Variants in SYT3 observed in about 807,000 individuals in gnomAD.
The protein encoded by SYT3 is synaptotagmin 3.
In SYT3, 25 loss-of-function variants were observed where a neutral mutation model predicts 50.6. The observed-to-expected ratio is 0.49, with a 90% confidence interval of 0.36 to 0.69. The LOEUF is 0.69. Among genes scored for constraint, SYT3 ranks in the 30% least tolerant of loss-of-function variants. SYT3 has a pLI of 0.00. For missense variants in SYT3, 589 were observed against 793.6 expected, an observed-to-expected ratio of 0.74 and a Z score of 3.10; for synonymous variants, 323 against 353.9, an observed-to-expected ratio of 0.91 and a Z score of 0.98.
At position 50,639,635 on chromosome 19, in the gene SYT3, C is replaced by T. The variant is rs899720753; in HGVS notation, c.-154+155G>A. Among the ~76,000 whole-genome samples the T allele has an allele frequency of 6.6e-6, 1 of 151,898 alleles. No individual in the cohort carries two copies. Among genetic ancestry groups the T allele is most frequent in the African/African-American group, 2.4e-5 (1 of 41,392 alleles). ...CCCCCTTCCAGGGCCACGTGCCCCTCCCCCGGGGTGGCCAGAGAGCGCTGC... is the reference window on the plus strand; with the variant it reads ...CCCCCTTCCAGGGCCACGTGCCCCTTCCCCGGGGTGGCCAGAGAGCGCTGC... On this transcript the variant is annotated intron_variant, in intron 1 of 10. Transcript: ENST00000600079. The surrounding 1 kb of genome is among the most constrained non-coding windows in gnomAD (Gnocchi z 4.6).
In SYT3 at chr19:50,625,339, C is replaced by T. The variant is rs892553119; in HGVS notation, c.1575-45G>A. 2.6e-6 allele frequency: 4 copies of T among 1,536,356 alleles called. No individual in the cohort carries two copies. In the African/African-American group the frequency reaches 5.5e-5, roughly 21 times the overall value. On this transcript the variant is annotated intron_variant, in intron 8 of 10. Coordinates refer to ENST00000600079, the MANE Select transcript of SYT3 (RefSeq NM_001160329.2). The surrounding 1 kb of genome is among the most constrained non-coding windows in gnomAD (Gnocchi z 7.5). ...AGGACCGTGGAGGGTGGTGGGAGGG[C>T]CTGTCCCCACCCCAGCCCTCCTGCC...
In SYT3 at chr19:50,632,156, C is replaced by G. The variant is rs1984329153; in HGVS notation, c.674+130G>C. 1 of 1,076,340 alleles carries G rather than the reference C, an allele frequency of 9.3e-7. No homozygotes were observed. The highest frequency in any genetic ancestry group is 1.6e-5 in the African/African-American group (1 of 62,758). 66.7% of individuals were successfully genotyped at this position (1,076,340 alleles called of 1,614,324 possible). On this transcript the variant is annotated intron_variant, in intron 4 of 10. Transcript: ENST00000600079. The surrounding 1 kb of genome is among the most constrained non-coding windows in gnomAD (Gnocchi z 4.7). ...AGTCTAGGGCCCCAGCCTCCTCTTT[C>G]CCTAAGATCCAGGAGTCAATACCCC...
intron 3 of SYT3, among the ~76,000 whole-genome samples, chr19:50,633,275 C>G (rs1568416423): frequency 6.6e-6 from 1 of 152,174 alleles, no homozygotes; most frequent in South Asian, 2.1e-4. Context: ...GCCACTGTGC[C>G]CAGCCCAGTA....
intron 3 of SYT3, among the ~76,000 whole-genome samples, chr19:50,633,434 G>T (rs1035529466): frequency 1.4e-4 from 22 of 152,214 alleles, no homozygotes; most frequent in Admixed American, 1.4e-3. Context: ...ACTAGACTTT[G>T]CTGCCTCTCT....
rs758727682 is a variant in SYT3 at position 50,632,658 on chromosome 19, C to T, written c.302G>A (p.Gly101Asp). Residue 101 changes from glycine to aspartate, a missense_variant, in exon 4 of 11, where the codon GGC becomes GAC. Physicochemically the swap from Gly to Asp is moderately conservative, Grantham distance 94. Around this residue, in one of 2 missense-constraint regions of SYT3, gnomAD observed 316 missense variants for 354.3 expected, o/e 0.89. Coordinates refer to ENST00000600079, the MANE Select transcript of SYT3 (RefSeq NM_001160329.2). The surrounding 1 kb of genome is among the most constrained non-coding windows in gnomAD (Gnocchi z 4.7). ...VGGGPLRKDL[G>D]PGVGLAGLVG... ...CAGGCCTGCCAGCCCGACACCAGGG[C>T]CTAGGTCTTTGCGCAGGGGGCCACC... 1 of 1,590,436 alleles carries T rather than the reference C, an allele frequency of 6.3e-7. No homozygotes were observed. Among genetic ancestry groups the T allele is most frequent in the Non-Finnish European group, 8.6e-7 (1 of 1,169,228 alleles).
At chr19:50,654,773 G>A in the SYT3 span, among the ~76,000 whole-genome samples, 1,887 of 152,256 alleles carry the variant, frequency 0.012, 19 homozygotes, top group Non-Finnish European at 0.021. Context: ...GGGACTACAG[G>A]CACACAACAT....
chr19:50,635,955 G>A (rs1984482855), intron 3 of SYT3, among the ~76,000 whole-genome samples: 1 of 152,066 alleles, frequency 6.6e-6, no homozygotes, highest in Non-Finnish European at 1.5e-5. Context: ...CCATAACCAT[G>A]AGTATAACAG....
the SYT3 span, among the ~76,000 whole-genome samples, chr19:50,653,975 A>G: frequency 6.7e-6 from 1 of 150,272 alleles, no homozygotes; most frequent in Admixed American, 6.6e-5. Context: ...GGAGGGGGGG[A>G]TTTTGGTCAT....
rs780203508 is a variant in SYT3, at chr19:50,637,462, G to A, written c.-15-36C>T. ...GAGGGATGGGGCAAGGGTGCAGATG[G>A]GAAACAGAATGGGAGTGCAGGGTGG... On this transcript the variant is annotated intron_variant, in intron 2 of 10. Transcript: ENST00000600079. This position sits in a 1 kb window ranked among gnomAD's most constrained non-coding sequence, Gnocchi z 4.9. 4 of 1,558,288 alleles carry A rather than the reference G, an allele frequency of 2.6e-6. No homozygotes were observed. The highest frequency in any genetic ancestry group is 3.5e-6 in the Non-Finnish European group (4 of 1,146,978).
chr19:50,653,070 C>T, the SYT3 span, among the ~76,000 whole-genome samples: 1 of 152,106 alleles, frequency 6.6e-6, no homozygotes, highest in Non-Finnish European at 1.5e-5. Context: ...TAGAGTCTTG[C>T]TTTGTCGCCC....
the SYT3 span, among the ~76,000 whole-genome samples, chr19:50,651,570 T>G: frequency 6.6e-6 from 1 of 152,140 alleles, no homozygotes; most frequent in African/African-American, 2.4e-5. Context: ...CTGAGATGCC[T>G]GTTAAAAAAA....
rs1412107395 is a variant in SYT3 at position 50,632,320 on chromosome 19, G to A, written c.640C>T (p.His214Tyr). The change falls in exon 4 of 11, where the codon CAT (histidine) becomes TAT (tyrosine). Residue 214 changes from histidine to tyrosine, a missense_variant. His to Tyr is a moderately conservative substitution (Grantham distance 83, BLOSUM62 2). Around this residue, in one of 2 missense-constraint regions of SYT3, gnomAD observed 316 missense variants for 354.3 expected, o/e 0.89. Transcript: ENST00000600079. This position sits in a 1 kb window ranked among gnomAD's most constrained non-coding sequence, Gnocchi z 4.7. The stretch of plus-strand genomic sequence containing the variant: ...GGTGCCAGGCTTGTGACCTGCTGAT[G>A]TGACTGGGCACTGGGCAAGCCCCCA... Reference protein sequence around the residue: ...SGGGLPSAQSHQQVTSLAPTT... With the variant: ...SGGGLPSAQSYQQVTSLAPTT... 6.3e-7 allele frequency: 1 copy of A among 1,590,488 alleles called. No homozygotes were observed. Among genetic ancestry groups the A allele is most frequent in the Non-Finnish European group, 8.6e-7 (1 of 1,162,174 alleles).
chr19:50,633,740 C>A (rs1399309761), intron 3 of SYT3, among the ~76,000 whole-genome samples: 2 of 152,144 alleles, frequency 1.3e-5, no homozygotes, highest in East Asian at 1.9e-4. Context: ...TAGCTCAGTA[C>A]TTTATAGAGA....
Position 50,629,458 on chromosome 19 carries a change from G to A in SYT3, c.1117C>T (p.Pro373Ser). 1 of 1,614,072 alleles carries A rather than the reference G, an allele frequency of 6.2e-7. No homozygotes were observed. The highest frequency in any genetic ancestry group is 8.5e-7 in the Non-Finnish European group (1 of 1,179,960). The change falls in exon 6 of 11, where the codon CCC becomes TCC. Residue 373 changes from proline to serine, a missense_variant. Physicochemically the swap from Pro to Ser is moderately conservative, Grantham distance 74. Transcript: ENST00000600079. The part of the protein sequence containing the change: ...VFNETFQFSV[P>S]LAELAQRKLH... ...TTGCGTTGGGCCAGCTCGGCCAGGG[G>A]CACCGAGAATTGAAACGTCTCATTG...
chr19:50,653,106 C>T, the SYT3 span, among the ~76,000 whole-genome samples: 56 of 152,110 alleles, frequency 3.7e-4, no homozygotes, highest in Non-Finnish European at 5.0e-4. Context: ...GGCACGATCC[C>T]GGCTCACTGC....
chr19:50,626,730 G>A (rs1265532584), intron 6 of SYT3, among the ~76,000 whole-genome samples: 1 of 148,812 alleles, frequency 6.7e-6, no homozygotes, highest in Non-Finnish European at 1.5e-5. Flanking sequence ...CCCAGAGACA[G>A]GGGGTACAGA....
At chr19:50,635,483 G>A (rs544719306) in intron 3 of SYT3, among the ~76,000 whole-genome samples, 20 of 152,316 alleles carry the variant, frequency 1.3e-4, no homozygotes, top group Middle Eastern at 3.4e-3. Flanking sequence ...GTGTAGTTGC[G>A]CAGTAGAAGA....
Position 50,625,780 on chromosome 19 carries a change from GTCC to G in SYT3, c.1402+114_1402+116del. The G allele has an allele frequency of 6.9e-5, 39 of 561,806 alleles. 14 individuals carry two copies. Among genetic ancestry groups the G allele is most frequent in the Admixed American group, 1.6e-4 (4 of 25,300 alleles). 34.8% of individuals were successfully genotyped at this position (561,806 alleles called of 1,614,324 possible). A position where few individuals can be genotyped will look rare whatever the true frequency, so the allele number is the denominator to read the frequency against. ...GGCCCCTCCTCCCTCAGACCCAGGA[GTCC>G]AGATCCCCAGCTCCTCCTCCCTCAG... On this transcript the variant is annotated intron_variant, in intron 7 of 10. Coordinates refer to ENST00000600079, the MANE Select transcript of SYT3 (RefSeq NM_001160329.2). The surrounding 1 kb of genome is among the most constrained non-coding windows in gnomAD (Gnocchi z 7.5).
chr19:50,645,352 C>A, the SYT3 span, among the ~76,000 whole-genome samples: 1 of 151,798 alleles, frequency 6.6e-6, no homozygotes, highest in Non-Finnish European at 1.5e-5. Context: ...TGGAGACACA[C>A]AGAAGCAGAG....
Sources: allele counts gnomAD v4.1 joint callset (sites outside exome capture counted in the v4.1 genomes callset), GRCh38; gene constraint gnomAD v4.1.1; regional missense constraint gnomAD v4.1.1; non-coding constraint Gnocchi (gnomAD v3.1); transcripts MANE v1.5; gene names NCBI Gene and HGNC (gene_info 2026-07-23, HGNC 2026-07-21).